The following COL4A3 variants were observed in gnomAD, a reference collection of about 807,000 sequenced individuals.
The protein encoded by COL4A3 is collagen alpha-3(IV) chain.
A neutral mutation model predicts 217.4 loss-of-function variants in COL4A3; 135 were observed. That is an observed-to-expected ratio of 0.62 (90% CI 0.54 to 0.72). The LOEUF is 0.72. Among genes scored for constraint, COL4A3 ranks in the 30% least tolerant of loss-of-function variants. The pLI, the probability that COL4A3 is intolerant of heterozygous loss-of-function variation, is 0.00. For synonymous variants in COL4A3, 690 were observed against 736.3 expected, an observed-to-expected ratio of 0.94 and a Z score of 1.02; for missense variants, 1,868 against 2,119.9, an observed-to-expected ratio of 0.88 and a Z score of 2.33.
intron 23 of COL4A3, among the ~76,000 whole-genome samples, chr2:227,269,161 T>C (rs988777063): frequency 6.6e-6 from 1 of 152,190 alleles, no homozygotes; most frequent in Admixed American, 6.5e-5. Context: ...ATGGGAAGTA[T>C]AAAATTGTAC....
Position 227,190,463 on chromosome 2 carries a change from A to G in COL4A3, c.87+25650A>G, listed in dbSNP as rs138689106. On this transcript the variant is annotated intron_variant, in intron 1 of 51. Coordinates refer to ENST00000396578, the MANE Select transcript of COL4A3 (RefSeq NM_000091.5). ...CACTTCTACAGTCTGAAGCAAACACATAAATAGATATGTTTTATATGTCAT... is the reference window on the plus strand; with the variant it reads ...CACTTCTACAGTCTGAAGCAAACACGTAAATAGATATGTTTTATATGTCAT... 1.2e-3 allele frequency among the ~76,000 whole-genome samples: 180 copies of G among 152,362 alleles called. No individual in the cohort carries two copies. The East Asian group carries it at 0.034, about 29-fold the overall frequency.
chr2:227,248,586 C>G, intron 9 of COL4A3, 66 bp downstream of exon 9: 1 of 1,046,878 alleles, frequency 9.6e-7, no homozygotes, highest in Non-Finnish European at 1.5e-6. Flanking sequence ...CTTTTCGCCT[C>G]TCTTTACTTC....
intron 1 of COL4A3, among the ~76,000 whole-genome samples, chr2:227,178,250 C>T (rs1270814236): frequency 6.6e-6 from 1 of 151,568 alleles, no homozygotes; most frequent in Non-Finnish European, 1.5e-5. Context: ...GGCATGGTGG[C>T]ATGTGCCTGC....
At chr2:227,249,863 T>C (rs1024423475) in intron 9 of COL4A3, among the ~76,000 whole-genome samples, 1 of 152,242 alleles carries the variant, frequency 6.6e-6, no homozygotes, top group Non-Finnish European at 1.5e-5. Context: ...ATTCTTTAAA[T>C]GTGTATTGAT....
In COL4A3 at chr2:227,254,661, G is replaced by T. The variant is rs771350449; in HGVS notation, c.834G>T (p.Leu278=). Residue 278 remains leucine, a synonymous_variant, in exon 15 of 52, where the codon CTG becomes CTT. Transcript: ENST00000396578. ...CATGGCTCTAATTAATACAGGGACT[G>T]CCTGGAGAATCATATGGATCTGAAA... The part of the protein sequence containing the change: ...GEPGPPGPSG[L]PGESYGSEKG... 1.2e-6 allele frequency: 2 copies of T among 1,611,852 alleles called. No individual in the cohort carries two copies. The highest frequency in any genetic ancestry group is 1.7e-6 in the Non-Finnish European group (2 of 1,177,982).
At chr2:227,297,308 T>G (rs1205477989) in intron 41 of COL4A3, among the ~76,000 whole-genome samples, 1 of 152,240 alleles carries the variant, frequency 6.6e-6, no homozygotes, top group Non-Finnish European at 1.5e-5. Flanking sequence ...TATATTTATA[T>G]AACACTTTAG....
intron 2 of COL4A3, 144 bp from the exon 3 acceptor site, chr2:227,239,999 T>C: frequency 1.2e-6 from 1 of 801,234 alleles, no homozygotes. Flanking sequence ...TCCTGAGTGC[T>C]AATTATGATT....
At position 227,253,991 on chromosome 2, in the gene COL4A3, C is replaced by T. The variant is rs1222096134; in HGVS notation, c.766-121C>T. 2.2e-5 allele frequency: 20 copies of T among 920,656 alleles called. No individual in the cohort carries two copies. Among genetic ancestry groups the T allele is most frequent in the Non-Finnish European group, 3.0e-5 (17 of 558,870 alleles). The allele number at this position is 920,656 out of a possible 1,614,324, so 57.0% of individuals were successfully genotyped here. On this transcript the variant is annotated intron_variant, in intron 13 of 51. Transcript: ENST00000396578. The surrounding 1 kb of genome is among the most constrained non-coding windows in gnomAD (Gnocchi z 4.4). Reference sequence around the variant, plus strand: ...GAAGGTGTATTGGGTTGTGTTAACACGAGGCACATTCATAGTTTGTAAACC... The same window carrying T: ...GAAGGTGTATTGGGTTGTGTTAACATGAGGCACATTCATAGTTTGTAAACC...
chr2:227,224,795 CAATT>C (rs1429737337), intron 1 of COL4A3, among the ~76,000 whole-genome samples: 2 of 151,942 alleles, frequency 1.3e-5, no homozygotes, highest in African/African-American at 2.4e-5. Context: ...TTTGAGAAAA[CAATT>C]AATAAATTAT....
At chr2:227,247,327 A>G (rs1338421750) in intron 7 of COL4A3, among the ~76,000 whole-genome samples, 1 of 152,116 alleles carries the variant, frequency 6.6e-6, no homozygotes, top group Non-Finnish European at 1.5e-5. Context: ...GCAGATTTGG[A>G]ACTGAGGAAT....
At chr2:227,181,581 G>T (rs1214415369) in intron 1 of COL4A3, among the ~76,000 whole-genome samples, 1 of 152,098 alleles carries the variant, frequency 6.6e-6, no homozygotes, top group African/African-American at 2.4e-5. Flanking sequence ...CCTCATATTA[G>T]AACCTGGGGA....
At chr2:227,273,251 T>C (rs2071352742) in intron 26 of COL4A3, 134 bp downstream of exon 26, 1 of 968,842 alleles carries the variant, frequency 1.0e-6, no homozygotes, top group Admixed American at 2.2e-5. Context: ...AACTCACAGA[T>C]ACCAGGAAAG....
chr2:227,231,233 C>T (rs950650291), intron 1 of COL4A3, among the ~76,000 whole-genome samples: 34 of 152,188 alleles, frequency 2.2e-4, no homozygotes, highest in Admixed American at 8.5e-4. Flanking sequence ...CACAATGGCT[C>T]TTCATTTATC....
At chr2:227,198,061 G>T (rs780436631) in intron 1 of COL4A3, among the ~76,000 whole-genome samples, 9 of 152,192 alleles carry the variant, frequency 5.9e-5, no homozygotes, top group Non-Finnish European at 8.8e-5. Flanking sequence ...CTTGGAAGTG[G>T]CCACTGTTTG....
intron 1 of COL4A3, among the ~76,000 whole-genome samples, chr2:227,193,767 A>G (rs1400690532): frequency 0.42 from 7,907 of 19,036 alleles, 1,698 homozygotes; most frequent in South Asian, 0.57. Flanking sequence ...GAAGGAAGGA[A>G]GGAAGGAAGG....
At position 227,312,526 on chromosome 2, in the gene COL4A3, T is replaced by A. The variant is rs538761832; in HGVS notation, c.*656T>A. 6.6e-6 allele frequency: 1 copy of A among 152,372 alleles called. No individual in the cohort carries two copies. The highest frequency in any genetic ancestry group is 2.1e-4 in the South Asian group (1 of 4,828). The allele number at this position is 152,372 out of a possible 1,614,324, so 9.4% of individuals were successfully genotyped here. A position where few individuals can be genotyped will look rare whatever the true frequency, so the allele number is the denominator to read the frequency against. On this transcript the variant is annotated 3_prime_UTR_variant, in exon 52 of 52. Transcript: ENST00000396578. ...AAATACTGTATGGTTTTGTTTTGTT[T>A]TGTTGGTTTTTAAAGATTTTTGTTT...
chr2:227,166,459 G>C (rs1316054314), intron 1 of COL4A3, among the ~76,000 whole-genome samples: 3 of 152,232 alleles, frequency 2.0e-5, no homozygotes, highest in South Asian at 2.1e-4. Flanking sequence ...ACAGGAATGA[G>C]ATTGGGAAGG....
intron 1 of COL4A3, among the ~76,000 whole-genome samples, chr2:227,175,778 T>A (rs915408437): frequency 4.6e-5 from 7 of 152,170 alleles, no homozygotes; most frequent in Non-Finnish European, 7.4e-5. Context: ...GTTTAACAAA[T>A]CAAAATTTTA....
intron 1 of COL4A3, among the ~76,000 whole-genome samples, chr2:227,200,754 G>A (rs1239750002): frequency 6.6e-6 from 1 of 152,128 alleles, no homozygotes; most frequent in Non-Finnish European, 1.5e-5. Flanking sequence ...ACTTGTTTCT[G>A]TCATAAGTAA....
Sources: allele counts gnomAD v4.1 joint callset (sites outside exome capture counted in the v4.1 genomes callset), GRCh38; gene constraint gnomAD v4.1.1; non-coding constraint Gnocchi (gnomAD v3.1); transcripts MANE v1.5; gene names NCBI Gene and HGNC (gene_info 2026-07-23, HGNC 2026-07-21).